Variants in FBXL14 observed in about 807,000 individuals in gnomAD.
FBXL14 encodes the protein F-box/LRR-repeat protein 14.
FBXL14 carries 11 observed loss-of-function variants against 24.5 expected under a neutral mutation model. That is an observed-to-expected ratio of 0.45 (90% confidence interval 0.28 to 0.74). FBXL14 has a LOEUF of 0.74. Ranked by LOEUF, FBXL14 falls within the 30% of genes least tolerant of loss-of-function variation. The probability of loss-of-function intolerance (pLI) is 0.12; values close to 1 mark genes in which losing one functional copy is unlikely to be tolerated. For synonymous variants in FBXL14, 294 were observed against 240.4 expected (o/e 1.22, Z -2.06); for missense variants, 384 against 545.6 (o/e 0.70, Z 2.95).
At chr12:1,574,955 G>A (rs2094453091) in intron 1 of FBXL14, 2 of 151,992 alleles carry the variant, frequency 1.3e-5, no homozygotes, top group African/African-American at 2.4e-5. Flanking sequence ...TATTTTGAAA[G>A]TACTTTTTGG....
rs545389108 is a variant in FBXL14 at position 1,580,690 on chromosome 12, C to T, written c.1194+12183G>A. Among the ~76,000 whole-genome samples, 8 of 152,242 alleles carry T rather than the reference C, an allele frequency of 5.3e-5. No homozygotes were observed. The South Asian group carries it at 1.0e-3, about 20-fold the overall frequency. The stretch of plus-strand genomic sequence containing the variant: ...GCAGACTTGTGTATTGTGCTGGGGC[C>T]TGAAATGTCCAGCTGGGATTTTTTC... On this transcript the variant is annotated intron_variant, in intron 1 of 1. Coordinates refer to ENST00000339235, the MANE Select transcript of FBXL14 (RefSeq NM_152441.3).
At chr12:1,573,779 C>A (rs10848526) in intron 1 of FBXL14, among the ~76,000 whole-genome samples, 1 of 152,000 alleles carries the variant, frequency 6.6e-6, no homozygotes, top group African/African-American at 2.4e-5. Context: ...CCAAGGCGGG[C>A]GGATCACCTG....
Position 1,585,676 on chromosome 12 carries a change from T to A in FBXL14, c.1194+7197A>T, listed in dbSNP as rs552994008. ...CCCACTGTGTGGTAGGTCTGATCCT[T>A]CTGGAGTGTGGATTACGTAAATGGG... On this transcript the variant is annotated intron_variant, in intron 1 of 1. Coordinates refer to ENST00000339235, the MANE Select transcript of FBXL14 (RefSeq NM_152441.3). Among the ~76,000 whole-genome samples, 387 of 152,288 alleles carry A rather than the reference T, an allele frequency of 2.5e-3. 1 individual carries two copies. The highest frequency in any genetic ancestry group is 8.8e-3 in the African/African-American group (366 of 41,550).
At chr12:1,585,024 G>C (rs767058224) in intron 1 of FBXL14, among the ~76,000 whole-genome samples, 78 of 152,192 alleles carry the variant, frequency 5.1e-4, no homozygotes, top group Non-Finnish European at 9.3e-4. Flanking sequence ...GAGATTCTCA[G>C]AAATAGCAGG....
chr12:1,580,179 C>T (rs1459244229), intron 1 of FBXL14, among the ~76,000 whole-genome samples: 2 of 152,188 alleles, frequency 1.3e-5, no homozygotes, highest in African/African-American at 4.8e-5. Flanking sequence ...GGAACGTGAC[C>T]TCTTGCCCTC....
intron 1 of FBXL14, among the ~76,000 whole-genome samples, chr12:1,581,738 G>A (rs1004630694): frequency 9.9e-5 from 15 of 152,126 alleles, no homozygotes; most frequent in African/African-American, 2.9e-4. Flanking sequence ...ACATCCTCAC[G>A]CCAGCCCAGT....
chr12:1,590,434 AT>A (rs918161335), intron 1 of FBXL14, among the ~76,000 whole-genome samples: 1 of 151,998 alleles, frequency 6.6e-6, no homozygotes, highest in Non-Finnish European at 1.5e-5. Context: ...TGAGATCAGT[AT>A]TTTTTTTAAC....
In FBXL14 at chr12:1,569,423, C is replaced by T. The variant is rs192080138; in HGVS notation, c.1195-2613G>A. ...TTTTTTTTTTTTTTTTTGTCTGAGA[C>T]GGAGTCTCGCTCTGTCACCCAGGCT... On this transcript the variant is annotated intron_variant, in intron 1 of 1. Transcript: ENST00000339235. This position sits in a 1 kb window ranked among gnomAD's most constrained non-coding sequence, Gnocchi z 4.2. 9.7e-5 allele frequency among the ~76,000 whole-genome samples: 14 copies of T among 143,852 alleles called. No homozygotes were observed. The highest frequency in any genetic ancestry group is 3.1e-4 in the African/African-American group (12 of 38,472). 94.4% of individuals were successfully genotyped at this position (143,852 alleles called of 152,430 possible). A position where few individuals can be genotyped will look rare whatever the true frequency, so the allele number is the denominator to read the frequency against.
Position 1,593,861 on chromosome 12 carries a change from C to T in FBXL14, c.206G>A (p.Gly69Asp). 6.2e-7 allele frequency: 1 copy of T among 1,612,912 alleles called. No homozygotes were observed. The change falls in exon 1 of 2, where the codon GGC becomes GAC. Residue 69 changes from glycine (G) to aspartate (D), a missense_variant. Gly to Asp is a moderately conservative substitution (Grantham distance 94, BLOSUM62 -1). Coordinates refer to ENST00000339235, the MANE Select transcript of FBXL14 (RefSeq NM_152441.3). The surrounding 1 kb of genome is among the most constrained non-coding windows in gnomAD (Gnocchi z 7.4). Reference sequence around the variant, plus strand: ...GCTCAGGATCTGCACCCGGCGGATGCCCCGGGCCTGCAGGCTGGGGAACAG... The same window carrying T: ...GCTCAGGATCTGCACCCGGCGGATGTCCCGGGCCTGCAGGCTGGGGAACAG... Reference protein sequence around the residue: ...PSLFPSLQARGIRRVQILSLR... With the variant: ...PSLFPSLQARDIRRVQILSLR...
chr12:1,568,227 A>C (rs538522688), intron 1 of FBXL14, among the ~76,000 whole-genome samples: 1 of 152,366 alleles, frequency 6.6e-6, no homozygotes, highest in African/African-American at 2.4e-5. Flanking sequence ...TTATCCTCAG[A>C]AACCAGGTGA....
chr12:1,570,554 G>A (rs774999234), intron 1 of FBXL14, among the ~76,000 whole-genome samples: 7 of 152,134 alleles, frequency 4.6e-5, no homozygotes, highest in African/African-American at 7.2e-5. Context: ...CTGAGCTGAC[G>A]CTGATTTCAC....
intron 1 of FBXL14, among the ~76,000 whole-genome samples, chr12:1,580,908 G>C (rs1342795153): frequency 6.6e-6 from 1 of 152,116 alleles, no homozygotes; most frequent in African/African-American, 2.4e-5. Flanking sequence ...TGCAGAGGTA[G>C]GAATGAATAC....
At position 1,566,053 on chromosome 12, in the gene FBXL14, G is replaced by C. The variant is rs571147942; in HGVS notation, c.*695C>G. On this transcript the variant is annotated 3_prime_UTR_variant, in exon 2 of 2. Transcript: ENST00000339235. ...TTGTTCCCATTAAAATGGAAACCCCGTGGGGAGAGGAAATGCATCTGTGGA... is the reference window on the plus strand; with the variant it reads ...TTGTTCCCATTAAAATGGAAACCCCCTGGGGAGAGGAAATGCATCTGTGGA... The C allele has an allele frequency of 6.6e-6, 1 of 152,636 alleles. No homozygotes were observed. The highest frequency in any genetic ancestry group is 2.4e-5 in the African/African-American group (1 of 41,442). 9.5% of individuals were successfully genotyped at this position (152,636 alleles called of 1,614,324 possible). A position where few individuals can be genotyped will look rare whatever the true frequency, so the allele number is the denominator to read the frequency against.
chr12:1,592,156 A>T (rs1457841035), intron 1 of FBXL14, among the ~76,000 whole-genome samples: 2 of 149,242 alleles, frequency 1.3e-5, no homozygotes, highest in Non-Finnish European at 3.0e-5. Context: ...TCAGAAAAAA[A>T]GTAAACTAAA....
At chr12:1,586,973 C>A (rs1158124875) in intron 1 of FBXL14, among the ~76,000 whole-genome samples, 1 of 152,214 alleles carries the variant, frequency 6.6e-6, no homozygotes, top group Non-Finnish European at 1.5e-5. Context: ...CGCGGTGGCT[C>A]ATGCCTGTAA....
At chr12:1,582,834 C>T (rs2094469293) in intron 1 of FBXL14, among the ~76,000 whole-genome samples, 1 of 152,202 alleles carries the variant, frequency 6.6e-6, no homozygotes, top group Non-Finnish European at 1.5e-5. Flanking sequence ...GTTTGATTCC[C>T]CGAGGCCAGG....
At chr12:1,591,254 G>A (rs1260855334) in intron 1 of FBXL14, among the ~76,000 whole-genome samples, 1 of 151,612 alleles carries the variant, frequency 6.6e-6, no homozygotes, top group Non-Finnish European at 1.5e-5. Context: ...ACTCCACCTT[G>A]CGTCCTCTTA....
chr12:1,581,906 C>T (rs1022513474), intron 1 of FBXL14, among the ~76,000 whole-genome samples: 19 of 152,318 alleles, frequency 1.2e-4, no homozygotes, highest in African/African-American at 4.3e-4. Context: ...GGGTAGATCA[C>T]CTGAGGTCAG....
chr12:1,582,423 C>T (rs962588296), intron 1 of FBXL14, among the ~76,000 whole-genome samples: 2 of 152,086 alleles, frequency 1.3e-5, no homozygotes, highest in Admixed American at 1.3e-4. Context: ...GCCCCGTTTT[C>T]TTCTTCTTGG....
Sources: allele counts gnomAD v4.1 joint callset (sites outside exome capture counted in the v4.1 genomes callset), GRCh38; gene constraint gnomAD v4.1.1; non-coding constraint Gnocchi (gnomAD v3.1); transcripts MANE v1.5; gene names NCBI Gene and HGNC (gene_info 2026-07-23, HGNC 2026-07-21).